The following SAMD3 variants were observed in gnomAD, a reference collection of about 807,000 sequenced individuals.
The protein encoded by SAMD3 is sterile alpha motif domain containing 3.
Under a neutral mutation model 58.5 loss-of-function variants are expected in SAMD3, and 63 were observed. The ratio of observed to expected loss-of-function variants is 1.08; its 90% confidence interval spans 0.88 to 1.33. The LOEUF is 1.33. SAMD3 is among the 40% of genes most tolerant of loss of function. The probability of loss-of-function intolerance (pLI) is 0.00; values close to 1 mark genes in which losing one functional copy is unlikely to be tolerated. For missense variants in SAMD3, 604 were observed against 608.4 expected (o/e 0.99, Z 0.08); for synonymous variants, 220 against 210.3 (o/e 1.05, Z -0.40).
At chr6:130,192,379 C>A (rs531889448) in intron 5 of SAMD3, among the ~76,000 whole-genome samples, 3 of 152,206 alleles carry the variant, frequency 2.0e-5, no homozygotes, top group Non-Finnish European at 4.4e-5. Context: ...TCCAGATGGC[C>A]GGTTTCTGCC....
intron 1 of SAMD3, among the ~76,000 whole-genome samples, chr6:130,342,954 G>A (rs1305146183): frequency 6.6e-6 from 1 of 152,154 alleles, no homozygotes; most frequent in East Asian, 1.9e-4. Flanking sequence ...ACTATACAAG[G>A]AACAAGACTT....
chr6:130,274,914 A>C (rs1269945360), intron 2 of SAMD3, among the ~76,000 whole-genome samples: 1 of 151,904 alleles, frequency 6.6e-6, no homozygotes, highest in Non-Finnish European at 1.5e-5. Flanking sequence ...TTTTCTTCAT[A>C]CTATGGACTT....
intron 8 of SAMD3, among the ~76,000 whole-genome samples, chr6:130,158,188 AT>A (rs1042201061): frequency 2.6e-5 from 4 of 151,572 alleles, no homozygotes; most frequent in African/African-American, 9.8e-5. Context: ...AAAAACCACA[AT>A]TTTTTTTATC....
chr6:130,281,512 A>G (rs1023763344), intron 2 of SAMD3, among the ~76,000 whole-genome samples: 1 of 151,884 alleles, frequency 6.6e-6, no homozygotes, highest in Non-Finnish European at 1.5e-5. Flanking sequence ...TCTGTTCTTC[A>G]TTTTTCCACT....
At chr6:130,154,800 GTA>G (rs756058736) in intron 9 of SAMD3, 23 bp downstream of exon 9, 523 of 1,262,862 alleles carry the variant, frequency 4.1e-4, no homozygotes, top group Non-Finnish European at 4.7e-4. Flanking sequence ...ATATGTGTGT[GTA>G]TATATATATA....
upstream of SAMD3, among the ~76,000 whole-genome samples, chr6:130,223,383 G>C (rs1412479868): frequency 2.0e-5 from 3 of 152,180 alleles, no homozygotes; most frequent in Admixed American, 2.0e-4. Flanking sequence ...AGCTCAGTGT[G>C]TACGTGATAG....
chr6:130,285,966 C>T (rs1441681019), intron 2 of SAMD3, among the ~76,000 whole-genome samples: 1 of 152,130 alleles, frequency 6.6e-6, no homozygotes, highest in East Asian at 1.9e-4. Context: ...AGTTTGTTGT[C>T]ATAATAAAAA....
intron 2 of SAMD3, among the ~76,000 whole-genome samples, chr6:130,230,561 T>A (rs1233324300): frequency 6.6e-6 from 1 of 152,154 alleles, no homozygotes; most frequent in African/African-American, 2.4e-5. Context: ...CACATTTTTG[T>A]ACTTTTTAGT....
chr6:130,145,939 C>G lies in SAMD3; in HGVS notation c.1195+71G>C, dbSNP rs143151692. 2,605 of 985,768 alleles carry G rather than the reference C, an allele frequency of 2.6e-3. 7 individuals carry two copies. The highest frequency in any genetic ancestry group is 3.1e-3 in the Non-Finnish European group (2,302 of 731,228). 61.1% of individuals were successfully genotyped at this position (985,768 alleles called of 1,614,324 possible). A position where few individuals can be genotyped will look rare whatever the true frequency, so the allele number is the denominator to read the frequency against. ...TAAACTACTGAATTTTACTGACTAC[C>G]AAAGCATAACTTTTCTAGATATTCT... On this transcript the variant is annotated intron_variant, in intron 10 of 11. Transcript: ENST00000439090.
At chr6:130,157,863 GT>G (rs1373940474) in intron 8 of SAMD3, among the ~76,000 whole-genome samples, 1 of 151,808 alleles carries the variant, frequency 6.6e-6, no homozygotes, top group African/African-American at 2.4e-5. Context: ...TTACAGCTGA[GT>G]TTTTCAGAGC....
rs77507792 is a variant in SAMD3, at chr6:130,248,097, C to A, written c.-187-25284G>T. ...ATTAAGATTCATACATCTGCTTTCC[C>A]TTTGATAGCATTTGTCTGGTATACT... is the stretch of plus-strand genomic sequence containing the variant. On this transcript the variant is annotated intron_variant, in intron 2 of 13. Transcript: ENST00000368134. Among the ~76,000 whole-genome samples the A allele has an allele frequency of 2.3e-3, 345 of 152,026 alleles. 10 individuals carry two copies. In the East Asian group the frequency reaches 0.059, roughly 26 times the overall value.
intron 4 of SAMD3, among the ~76,000 whole-genome samples, chr6:130,211,039 G>A (rs1359451825): frequency 6.6e-6 from 1 of 151,856 alleles, no homozygotes; most frequent in Non-Finnish European, 1.5e-5. Flanking sequence ...AGAATTGCTT[G>A]AACCTGGGAG....
upstream of SAMD3, among the ~76,000 whole-genome samples, chr6:130,226,916 ATACAG>A (rs1285445835): frequency 6.6e-6 from 1 of 152,264 alleles, no homozygotes; most frequent in Non-Finnish European, 1.5e-5. Flanking sequence ...TGTACAATAA[ATACAG>A]TAATCTGATA....
intron 2 of SAMD3, among the ~76,000 whole-genome samples, chr6:130,231,170 GAT>G (rs1341177168): frequency 6.6e-6 from 1 of 152,102 alleles, no homozygotes; most frequent in Admixed American, 6.5e-5. Flanking sequence ...ATACAGTTAA[GAT>G]AATAATACAC....
At chr6:130,220,554 TA>T (rs1796178928) in intron 1 of SAMD3, among the ~76,000 whole-genome samples, 1 of 152,246 alleles carries the variant, frequency 6.6e-6, no homozygotes, top group African/African-American at 2.4e-5. Flanking sequence ...TATTGAATTT[TA>T]TGAAAAGCTG....
At chr6:130,262,376 C>T (rs1774171916) in intron 2 of SAMD3, among the ~76,000 whole-genome samples, 1 of 151,026 alleles carries the variant, frequency 6.6e-6, no homozygotes, top group South Asian at 2.1e-4. Context: ...CAGAGCTATC[C>T]TAAATCAAAA....
At chr6:130,267,626 C>A (rs1774407329) in intron 2 of SAMD3, among the ~76,000 whole-genome samples, 1 of 152,168 alleles carries the variant, frequency 6.6e-6, no homozygotes, top group Admixed American at 6.5e-5. Flanking sequence ...AACCAAGGAA[C>A]CAGACCTAAA....
At chr6:130,319,421 G>GA (rs1419218203) in intron 1 of SAMD3, among the ~76,000 whole-genome samples, 10 of 151,788 alleles carry the variant, frequency 6.6e-5, no homozygotes, top group African/African-American at 2.2e-4. Context: ...AGATACAAAG[G>GA]AAAAAAGACA....
intron 2 of SAMD3, among the ~76,000 whole-genome samples, chr6:130,283,660 A>G (rs1442899900): frequency 6.6e-6 from 1 of 152,196 alleles, no homozygotes; most frequent in East Asian, 1.9e-4. Context: ...ACAAACTGTC[A>G]TTTGGGAAGG....
Sources: gnomAD v4.1 joint callset for allele counts (sites outside exome capture counted in the v4.1 genomes callset) on GRCh38, gnomAD v4.1.1 for gene constraint, MANE v1.5 for transcripts, NCBI Gene and HGNC (gene_info 2026-07-23, HGNC 2026-07-21) for gene names.